NF2: variants seen among roughly 807,000 people sequenced by gnomAD.
NF2 encodes NF2, moesin-ezrin-radixin like (MERLIN) tumor suppressor, also known as merlin.
Under a neutral mutation model 83.7 loss-of-function variants are expected in NF2, and 8 were observed. The observed-to-expected ratio is 0.10, with a 90% confidence interval of 0.06 to 0.17. The LOEUF (loss-of-function observed/expected upper bound fraction) is 0.17, where lower values mean the gene tolerates loss of function less well. NF2 is among the 10% of genes least tolerant of loss of function. The probability of loss-of-function intolerance (pLI) is 1.00; values close to 1 mark genes in which losing one functional copy is unlikely to be tolerated. For synonymous variants in NF2, 266 were observed against 269.6 expected (o/e 0.99, Z 0.13); for missense variants, 533 against 744.4 (o/e 0.72, Z 3.31).
At chr22:29,648,096 A>C (rs1249585645) in intron 4 of NF2, among the ~76,000 whole-genome samples, 1 of 151,802 alleles carries the variant, frequency 6.6e-6, no homozygotes, top group Non-Finnish European at 1.5e-5. Context: ...ACACCACTGC[A>C]CTCCAGCCTG....
intron 1 of NF2, among the ~76,000 whole-genome samples, chr22:29,614,353 T>TG (rs749174803): frequency 2.0e-5 from 3 of 151,850 alleles, no homozygotes; most frequent in Non-Finnish European, 4.4e-5. Context: ...CCGAGGTGGG[T>TG]GGCTCACGAG....
In NF2 at chr22:29,695,744, C is replaced by T. The variant is rs928342675; in HGVS notation, c.*942C>T. On this transcript the variant is annotated 3_prime_UTR_variant, in exon 16 of 16. Transcript: ENST00000338641. The surrounding 1 kb of genome is among the most constrained non-coding windows in gnomAD (Gnocchi z 5.4). ...TCACTGGCCCAGACTCTGAGCTCCA[C>T]CGGCCCAGTCTGCACGGCCCATCTG... 1.3e-5 allele frequency: 3 copies of T among 233,822 alleles called. No individual in the cohort carries two copies. The highest frequency in any genetic ancestry group is 2.5e-5 in the Non-Finnish European group (3 of 118,490). The allele number at this position is 233,822 out of a possible 1,614,324, so 14.5% of individuals were successfully genotyped here. A position where few individuals can be genotyped will look rare whatever the true frequency, so the allele number is the denominator to read the frequency against.
intron 1 of NF2, among the ~76,000 whole-genome samples, chr22:29,616,860 A>G (rs1017579807): frequency 6.6e-6 from 1 of 151,856 alleles, no homozygotes; most frequent in African/African-American, 2.4e-5. Context: ...CTAAGTTACT[A>G]TTTGATAGAT....
intron 1 of NF2, among the ~76,000 whole-genome samples, chr22:29,625,714 A>T (rs1735623894): frequency 6.6e-6 from 1 of 152,236 alleles, no homozygotes; most frequent in Non-Finnish European, 1.5e-5. Flanking sequence ...TTAGTCACTC[A>T]TGTTGACACA....
intron 15 of NF2, among the ~76,000 whole-genome samples, chr22:29,681,901 G>C (rs139341275): frequency 1.1e-4 from 16 of 152,144 alleles, no homozygotes; most frequent in African/African-American, 3.6e-4. Context: ...TTAAGCCAAG[G>C]GGTGTTATAC....
chr22:29,677,144 C>A (rs958089491), intron 13 of NF2, among the ~76,000 whole-genome samples: 2 of 152,102 alleles, frequency 1.3e-5, no homozygotes, highest in Non-Finnish European at 2.9e-5. Flanking sequence ...AGGAAACTTG[C>A]AAATAGTAGA....
Position 29,636,975 on chromosome 22 carries a change from TAGTA to T in NF2, c.240+100_240+103del, listed in dbSNP as rs375532019. 257 of 1,554,918 alleles carry T rather than the reference TAGTA, an allele frequency of 1.7e-4. 5 individuals carry two copies. In the African/African-American group the frequency reaches 3.2e-3, roughly 19 times the overall value. On this transcript the variant is annotated intron_variant, in intron 2 of 15. Coordinates refer to ENST00000338641, the MANE Select transcript of NF2 (RefSeq NM_000268.4). This position sits in a 1 kb window ranked among gnomAD's most constrained non-coding sequence, Gnocchi z 4.4. ...TCATCACTGGGGCGCTGTAGCTGTA[TAGTA>T]GAGAAGGGGGCACATTCCTGAATTA...
intron 8 of NF2, among the ~76,000 whole-genome samples, 196 bp downstream of exon 8, chr22:29,661,535 G>A (rs1203848800): frequency 6.6e-6 from 1 of 152,224 alleles, no homozygotes; most frequent in African/African-American, 2.4e-5. Context: ...TGACTAATAG[G>A]AAACTGGGAA....
intron 10 of NF2, 81 bp from the exon 11 acceptor site, chr22:29,671,745 G>C (rs1054529810): frequency 6.2e-7 from 1 of 1,600,910 alleles, no homozygotes; most frequent in Non-Finnish European, 8.5e-7. Flanking sequence ...GGAGACTGGA[G>C]ATGGGGCATC....
intron 9 of NF2, 152 bp downstream of exon 9, chr22:29,665,216 CTA>C (rs2066585693): frequency 1.5e-6 from 1 of 680,130 alleles, no homozygotes; most frequent in East Asian, 2.8e-5. Flanking sequence ...AGAGTTAAAA[CTA>C]AATTATATCA....
At chr22:29,609,032 A>T in intron 1 of NF2, 1 of 708,872 alleles carries the variant, frequency 1.4e-6, no homozygotes, top group Non-Finnish European at 2.6e-6. Context: ...CATGCATGTG[A>T]TGGTGTCCAA....
At chr22:29,634,210 T>C (rs1458370920) in intron 1 of NF2, among the ~76,000 whole-genome samples, 2 of 152,164 alleles carry the variant, frequency 1.3e-5, no homozygotes, top group Non-Finnish European at 2.9e-5. Context: ...GAGTCTACAT[T>C]AGGTAATTAC....
rs915564890 is a variant in NF2, at chr22:29,663,357, G to A, written c.811-1633G>A. Among the ~76,000 whole-genome samples the A allele has an allele frequency of 2.6e-5, 4 of 152,156 alleles. No homozygotes were observed. In the East Asian group the frequency reaches 5.8e-4, roughly 22 times the overall value. ...CAGTAAACTCTAATATGCCCTCTCC[G>A]GGGGACAGGCGCCATCATGTTCCAT... On this transcript the variant is annotated intron_variant, in intron 8 of 15. Coordinates refer to ENST00000338641, the MANE Select transcript of NF2 (RefSeq NM_000268.4).
chr22:29,619,056 C>CT (rs969378676), intron 1 of NF2, among the ~76,000 whole-genome samples: 42 of 146,954 alleles, frequency 2.9e-4, no homozygotes, highest in South Asian at 6.5e-4. Context: ...TGTTATCTAC[C>CT]TTTTTTTTTT....
At chr22:29,640,854 C>T (rs1290404120) in intron 3 of NF2, among the ~76,000 whole-genome samples, 2 of 152,122 alleles carry the variant, frequency 1.3e-5, no homozygotes, top group East Asian at 3.9e-4. Context: ...CACTCTTAGG[C>T]TGGGCGTGGT....
intron 4 of NF2, among the ~76,000 whole-genome samples, chr22:29,652,817 G>T (rs2066187463): frequency 6.6e-6 from 1 of 152,214 alleles, no homozygotes; most frequent in East Asian, 1.9e-4. Flanking sequence ...CAGCTGCCTT[G>T]CAGGGAGTAC....
chr22:29,675,338 C>T (rs190347895), intron 13 of NF2, among the ~76,000 whole-genome samples: 2 of 152,174 alleles, frequency 1.3e-5, no homozygotes, highest in African/African-American at 4.8e-5. Context: ...ATTGGCTGTA[C>T]ACCTCAGAGT....
chr22:29,680,241 AGCTGGGATTACAGGC>A (rs1422884491), intron 14 of NF2, among the ~76,000 whole-genome samples: 1 of 151,970 alleles, frequency 6.6e-6, no homozygotes, highest in African/African-American at 2.4e-5. Flanking sequence ...CCTCCTGAGT[AGCTGGGATTACAGGC>A]GCATGCTATC....
Position 29,695,550 on chromosome 22 carries a change from G to T in NF2, c.*748G>T. Reference sequence around the variant, plus strand: ...GTCCCCCTCCGGCCACCCTAGACCAGGGTCCGAGAGGCAGGCAGGAGCCAC... The same window carrying T: ...GTCCCCCTCCGGCCACCCTAGACCATGGTCCGAGAGGCAGGCAGGAGCCAC... On this transcript the variant is annotated 3_prime_UTR_variant, in exon 16 of 16. Transcript: ENST00000338641. The surrounding 1 kb of genome is among the most constrained non-coding windows in gnomAD (Gnocchi z 5.4). 4.2e-6 allele frequency: 1 copy of T among 235,922 alleles called. No individual in the cohort carries two copies. The highest frequency in any genetic ancestry group is 8.4e-6 in the Non-Finnish European group (1 of 119,756). 14.6% of individuals were successfully genotyped at this position (235,922 alleles called of 1,614,324 possible). A position where few individuals can be genotyped will look rare whatever the true frequency, so the allele number is the denominator to read the frequency against.
Sources: allele counts gnomAD v4.1 joint callset (sites outside exome capture counted in the v4.1 genomes callset), GRCh38; gene constraint gnomAD v4.1.1; non-coding constraint Gnocchi (gnomAD v3.1); transcripts MANE v1.5; gene names NCBI Gene and HGNC (gene_info 2026-07-23, HGNC 2026-07-21).